The following EXOC6B variants were observed in gnomAD, a reference collection of about 807,000 sequenced individuals.
EXOC6B encodes the protein SEC15 homolog B.
A neutral mutation model predicts 113.5 loss-of-function variants in EXOC6B; 54 were observed. The observed-to-expected ratio is 0.48, with a 90% confidence interval of 0.38 to 0.60. The LOEUF is 0.60. Among genes scored for constraint, EXOC6B ranks in the 20% least tolerant of loss-of-function variants. The probability of loss-of-function intolerance (pLI) is 0.00; values close to 1 mark genes in which losing one functional copy is unlikely to be tolerated. For synonymous variants in EXOC6B, 357 were observed against 339.0 expected, an observed-to-expected ratio of 1.05 and a Z score of -0.58; for missense variants, 797 against 977.5, an observed-to-expected ratio of 0.82 and a Z score of 2.46.
chr2:72,507,943 AC>A (rs1015178848), intron 11 of EXOC6B, among the ~76,000 whole-genome samples: 3 of 151,412 alleles, frequency 2.0e-5, no homozygotes, highest in African/African-American at 7.3e-5. Context: ...ACACAAAAAA[AC>A]ATTGCTTTAG....
intron 21 of EXOC6B, among the ~76,000 whole-genome samples, chr2:72,180,106 C>T (rs1473410654): frequency 6.6e-6 from 1 of 152,162 alleles, no homozygotes; most frequent in Non-Finnish European, 1.5e-5. Context: ...AAGCATGGGC[C>T]AAATGGCTGG....
At chr2:72,480,257 AAAT>A (rs1698999629) in intron 17 of EXOC6B, among the ~76,000 whole-genome samples, 2 of 152,272 alleles carry the variant, frequency 1.3e-5, no homozygotes, top group African/African-American at 2.4e-5. Flanking sequence ...GCTTAGTAGA[AAAT>A]TTTAATTAAT....
chr2:72,619,179 CAGAGAG>C (rs139874004), intron 6 of EXOC6B, among the ~76,000 whole-genome samples: 96 of 145,852 alleles, frequency 6.6e-4, no homozygotes, highest in Admixed American at 2.0e-3. Context: ...AATACACAGC[CAGAGAG>C]AGAGAGAGAG....
Position 72,581,794 on chromosome 2 carries a change from T to C in EXOC6B, c.670-6126A>G, listed in dbSNP as rs139286022. ...CCCCCACTGGATTCTCCTTCAGCAC[T>C]AGTGCTTGTGCCTTCCACTGGCAGA... On this transcript the variant is annotated intron_variant, in intron 6 of 21. Transcript: ENST00000272427. Among the ~76,000 whole-genome samples, 8 of 150,742 alleles carry C rather than the reference T, an allele frequency of 5.3e-5. No individual in the cohort carries two copies. The East Asian group carries it at 1.5e-3, about 29-fold the overall frequency.
chr2:72,732,504 C>T (rs759877965), intron 3 of EXOC6B, among the ~76,000 whole-genome samples: 14 of 152,110 alleles, frequency 9.2e-5, no homozygotes, highest in Non-Finnish European at 8.8e-5. Context: ...TGAGCATCCA[C>T]ACTGTGCCAG....
chr2:72,299,029 C>G (rs990937608), intron 20 of EXOC6B, among the ~76,000 whole-genome samples: 1 of 152,050 alleles, frequency 6.6e-6, no homozygotes, highest in African/African-American at 2.4e-5. Flanking sequence ...GAATGTTGGC[C>G]TGCCTTGCTA....
chr2:72,260,948 C>T (rs1389692350), intron 20 of EXOC6B, among the ~76,000 whole-genome samples: 1 of 152,162 alleles, frequency 6.6e-6, no homozygotes, highest in African/African-American at 2.4e-5. Context: ...GTGTCTGTTG[C>T]ATGACATCTG....
At chr2:72,663,010 C>A (rs1178013564) in intron 6 of EXOC6B, among the ~76,000 whole-genome samples, 8 of 152,150 alleles carry the variant, frequency 5.3e-5, no homozygotes, top group Non-Finnish European at 7.4e-5. Context: ...TGAGCCACCC[C>A]ACCCGGCCTA....
At chr2:72,508,184 A>AAAAAAACAAAAAAAAAC (rs923877882) in intron 11 of EXOC6B, among the ~76,000 whole-genome samples, 1 of 89,114 alleles carries the variant, frequency 1.1e-5, no homozygotes, top group African/African-American at 6.7e-5. Flanking sequence ...AAAAAAAAAA[A>AAAAAAACAAAAAAAAAC]ACACCTAAAA....
Position 72,256,743 on chromosome 2 carries a change from T to G in EXOC6B, c.2197-72556A>C, listed in dbSNP as rs115410262. ...AATCAGCTCTGAAATCTATCTATTT[T>G]TACAAAGCTGCAAGGTAATTCAAGA... On this transcript the variant is annotated intron_variant, in intron 20 of 21. Coordinates refer to ENST00000272427, the MANE Select transcript of EXOC6B (RefSeq NM_015189.3). Among the ~76,000 whole-genome samples the G allele has an allele frequency of 6.2e-3, 951 of 152,310 alleles. 10 individuals carry two copies. The highest frequency in any genetic ancestry group is 0.021 in the African/African-American group (891 of 41,576).
intron 1 of EXOC6B, among the ~76,000 whole-genome samples, chr2:72,813,661 AACTCCAT>A (rs1686050073): frequency 6.6e-6 from 1 of 152,212 alleles, no homozygotes. Context: ...CCTTAAATCA[AACTCCAT>A]ACCAAAAATT....
intron 20 of EXOC6B, among the ~76,000 whole-genome samples, chr2:72,321,717 G>T (rs981407806): frequency 6.6e-6 from 1 of 152,138 alleles, no homozygotes; most frequent in Non-Finnish European, 1.5e-5. Context: ...AGCAGTTGTT[G>T]CCAGGGAATA....
At chr2:72,689,294 A>G (rs967400513) in intron 6 of EXOC6B, among the ~76,000 whole-genome samples, 27 of 152,164 alleles carry the variant, frequency 1.8e-4, no homozygotes, top group Admixed American at 1.3e-4. Flanking sequence ...TTACTCTAAC[A>G]GTATTATATC....
chr2:72,401,089 T>C (rs1364522790), intron 18 of EXOC6B, among the ~76,000 whole-genome samples: 1 of 151,782 alleles, frequency 6.6e-6, no homozygotes, highest in Non-Finnish European at 1.5e-5. Context: ...TATATATATA[T>C]AGATAAATAT....
Position 72,460,665 on chromosome 2 carries a change from C to T in EXOC6B, c.1980+4495G>A, listed in dbSNP as rs570346936. Among the ~76,000 whole-genome samples the T allele has an allele frequency of 6.6e-5, 10 of 152,298 alleles. No homozygotes were observed. The South Asian group carries it at 1.7e-3, about 25-fold the overall frequency. ...AATCAAAATCACAATGAGATACCAT[C>T]TCACACCAGTTAGAATGGCAATCAT... On this transcript the variant is annotated intron_variant, in intron 18 of 21. Transcript: ENST00000272427.
chr2:72,539,835 T>A (rs1046619141), intron 8 of EXOC6B, among the ~76,000 whole-genome samples: 1 of 152,026 alleles, frequency 6.6e-6, no homozygotes, highest in Non-Finnish European at 1.5e-5. Flanking sequence ...TTAGGTTACA[T>A]GCGCACAATG....
intron 1 of EXOC6B, among the ~76,000 whole-genome samples, chr2:72,819,253 A>G (rs1686450459): frequency 6.6e-6 from 1 of 152,264 alleles, no homozygotes; most frequent in Non-Finnish European, 1.5e-5. Flanking sequence ...CATATAAAAA[A>G]GTTAAGAGGA....
At chr2:72,783,516 GT>G (rs1300478921) in intron 1 of EXOC6B, among the ~76,000 whole-genome samples, 1 of 151,464 alleles carries the variant, frequency 6.6e-6, no homozygotes, top group Non-Finnish European at 1.5e-5. Flanking sequence ...TAGAGATGGG[GT>G]TTCACCATGT....
rs115089140 is a variant in EXOC6B, at chr2:72,289,828, A to G, written c.2196+45119T>C. Among the ~76,000 whole-genome samples the G allele has an allele frequency of 5.4e-3, 829 of 152,266 alleles. 9 individuals are homozygous for G. Among genetic ancestry groups the G allele is most frequent in the African/African-American group, 0.019 (772 of 41,550 alleles). On this transcript the variant is annotated intron_variant, in intron 20 of 21. Coordinates refer to ENST00000272427, the MANE Select transcript of EXOC6B (RefSeq NM_015189.3). ...GGAGGGCCCAGAAGATCGAGGCTGCAGTGGGCTATGATCACACCATTGCAC... is the reference window on the plus strand; with the variant it reads ...GGAGGGCCCAGAAGATCGAGGCTGCGGTGGGCTATGATCACACCATTGCAC...
Sources: allele counts gnomAD v4.1 joint callset (sites outside exome capture counted in the v4.1 genomes callset), GRCh38; gene constraint gnomAD v4.1.1; transcripts MANE v1.5; gene names NCBI Gene and HGNC (gene_info 2026-07-23, HGNC 2026-07-21).